The following CTNNBL1 variants were observed in gnomAD, a reference collection of about 807,000 sequenced individuals.
The protein encoded by CTNNBL1 is catenin beta like 1, also known as beta-catenin-like protein 1.
Under a neutral mutation model 72.7 loss-of-function variants are expected in CTNNBL1, and 31 were observed. The ratio of observed to expected loss-of-function variants is 0.43; its 90% CI spans 0.32 to 0.58. The LOEUF (loss-of-function observed/expected upper bound fraction) is 0.58, where lower values mean the gene tolerates loss of function less well. CTNNBL1 is among the 20% of genes least tolerant of loss of function. CTNNBL1 has a pLI of 0.08. For synonymous variants in CTNNBL1, 240 were observed against 267.3 expected (o/e 0.90, Z 1.00); for missense variants, 534 against 725.1 (o/e 0.74, Z 3.03).
intron 1 of CTNNBL1, among the ~76,000 whole-genome samples, chr20:37,721,752 C>T (rs2073042127): frequency 6.6e-6 from 1 of 152,196 alleles, no homozygotes. Flanking sequence ...CTTACTGTTA[C>T]TATTTATGCA....
At chr20:37,859,391 T>C (rs1184236811) in intron 13 of CTNNBL1, among the ~76,000 whole-genome samples, 1 of 151,454 alleles carries the variant, frequency 6.6e-6, no homozygotes, top group Admixed American at 6.6e-5. Flanking sequence ...AATGCTTGAC[T>C]GACTGGGACC....
At chr20:37,779,050 A>G in intron 9 of CTNNBL1, 137 bp from the exon 10 acceptor site, 1 of 786,840 alleles carries the variant, frequency 1.3e-6, no homozygotes, top group South Asian at 1.6e-5. Context: ...ATGGAAACTG[A>G]TGAGAATTTT....
At chr20:37,851,645 C>T (rs1261657981) in intron 13 of CTNNBL1, among the ~76,000 whole-genome samples, 1 of 152,154 alleles carries the variant, frequency 6.6e-6, no homozygotes, top group Non-Finnish European at 1.5e-5. Flanking sequence ...TCCTGTTCCC[C>T]GTGAGCTTTT....
intron 4 of CTNNBL1, among the ~76,000 whole-genome samples, chr20:37,755,539 A>G (rs1246740275): frequency 6.6e-6 from 1 of 152,218 alleles, no homozygotes; most frequent in Non-Finnish European, 1.5e-5. Context: ...TTAAGAGTGA[A>G]GGAGTAAGAC....
chr20:37,844,792 A>G (rs919738966), intron 13 of CTNNBL1, among the ~76,000 whole-genome samples: 7 of 152,148 alleles, frequency 4.6e-5, no homozygotes, highest in African/African-American at 1.4e-4. Flanking sequence ...TACTAAAAAT[A>G]CAAAAATTAG....
intron 11 of CTNNBL1, among the ~76,000 whole-genome samples, chr20:37,820,994 C>G (rs947599003): frequency 6.6e-6 from 1 of 152,206 alleles, no homozygotes; most frequent in Non-Finnish European, 1.5e-5. Flanking sequence ...TTGGCCTTCT[C>G]TTGCCGGTAC....
intron 11 of CTNNBL1, among the ~76,000 whole-genome samples, chr20:37,815,071 CTGTGAGTGTGTGTG>C (rs1477509517): frequency 2.7e-4 from 20 of 74,742 alleles, no homozygotes; most frequent in African/African-American, 1.2e-3. Flanking sequence ...GTTAGGGACT[CTGTGAGTGTGTGTG>C]TGTGTGTGTG....
chr20:37,788,446 C>T (rs1169740573), intron 10 of CTNNBL1, among the ~76,000 whole-genome samples: 1 of 152,226 alleles, frequency 6.6e-6, no homozygotes, highest in Non-Finnish European at 1.5e-5. Flanking sequence ...GTTAAAAAGC[C>T]TGTTGCCGAG....
At chr20:37,696,821 A>G (rs1449450769) in intron 1 of CTNNBL1, among the ~76,000 whole-genome samples, 2 of 152,176 alleles carry the variant, frequency 1.3e-5, no homozygotes, top group Admixed American at 1.3e-4. Context: ...GATATATTGG[A>G]TTAAAGAAAA....
intron 1 of CTNNBL1, among the ~76,000 whole-genome samples, chr20:37,718,148 T>C (rs1459628394): frequency 1.3e-5 from 2 of 151,686 alleles, no homozygotes; most frequent in African/African-American, 2.4e-5. Context: ...GGGTGGTGGC[T>C]GGGCAGAGGG....
At chr20:37,697,783 G>A (rs1199548752) in intron 1 of CTNNBL1, among the ~76,000 whole-genome samples, 4 of 152,144 alleles carry the variant, frequency 2.6e-5, no homozygotes, top group Admixed American at 2.6e-4. Flanking sequence ...CTTAATGGCA[G>A]TACTTAATAT....
chr20:37,864,432 G>A (rs372642342), intron 15 of CTNNBL1, among the ~76,000 whole-genome samples: 1 of 152,102 alleles, frequency 6.6e-6, no homozygotes, highest in African/African-American at 2.4e-5. Flanking sequence ...TCAGGAAAAC[G>A]CTGATGAGGC....
Position 37,784,589 on chromosome 20 carries a change from C to A in CTNNBL1, c.1031+5254C>A, listed in dbSNP as rs139084134. Among the ~76,000 whole-genome samples, 32 of 152,322 alleles carry A rather than the reference C, an allele frequency of 2.1e-4. 1 individual carries two copies. In the East Asian group the frequency reaches 5.2e-3, roughly 25 times the overall value. On this transcript the variant is annotated intron_variant, in intron 10 of 15. Coordinates refer to ENST00000361383, the MANE Select transcript of CTNNBL1 (RefSeq NM_030877.5). ...ACAGGCTTAACACTGATTGCAGAAA[C>A]AAACTGACAAGCAAAGAGAAAACTA...
At chr20:37,777,753 G>A in intron 9 of CTNNBL1, 41 bp downstream of exon 9, 1 of 1,594,128 alleles carries the variant, frequency 6.3e-7, no homozygotes, top group Non-Finnish European at 8.6e-7. Flanking sequence ...TAAGATACAT[G>A]GTCTGCTTTG....
intron 3 of CTNNBL1, among the ~76,000 whole-genome samples, chr20:37,738,326 TGTAA>T (rs1259537874): frequency 2.0e-5 from 3 of 152,336 alleles, no homozygotes; most frequent in South Asian, 4.1e-4. Flanking sequence ...AGGAGAATAA[TGTAA>T]GTGTTTAGCT....
chr20:37,752,724 T>G (rs2073331579), intron 4 of CTNNBL1, among the ~76,000 whole-genome samples: 1 of 152,086 alleles, frequency 6.6e-6, no homozygotes. Context: ...AGAGCCATTG[T>G]GTTATGGACC....
At chr20:37,724,262 C>T (rs896277554) in intron 1 of CTNNBL1, among the ~76,000 whole-genome samples, 4 of 152,186 alleles carry the variant, frequency 2.6e-5, no homozygotes, top group African/African-American at 9.7e-5. Flanking sequence ...ATACCCCCCT[C>T]TTCTCCTCTG....
At chr20:37,842,267 T>G in intron 12 of CTNNBL1, 72 bp from the exon 13 acceptor site, 1 of 1,028,912 alleles carries the variant, frequency 9.7e-7, no homozygotes, top group Non-Finnish European at 1.5e-6. Flanking sequence ...GTGAGATGAA[T>G]AGGAGTGCCA....
At chr20:37,777,812 C>A in intron 9 of CTNNBL1, 100 bp downstream of exon 9, 3 of 1,208,382 alleles carry the variant, frequency 2.5e-6, no homozygotes. Context: ...CCATGTGCTG[C>A]AAGCCATATG....
Sources: gnomAD v4.1 joint callset for allele counts (sites outside exome capture counted in the v4.1 genomes callset) on GRCh38, gnomAD v4.1.1 for gene constraint, MANE v1.5 for transcripts, NCBI Gene and HGNC (gene_info 2026-07-23, HGNC 2026-07-21) for gene names.